HS6ST3: variants seen among roughly 807,000 people sequenced by gnomAD.
HS6ST3 encodes the protein heparan-sulfate 6-O-sulfotransferase 3.
Under a neutral mutation model 36.7 loss-of-function variants are expected in HS6ST3, and 12 were observed. The observed-to-expected ratio is 0.33, with a 90% CI of 0.21 to 0.53. The LOEUF is 0.53. HS6ST3 is among the 20% of genes least tolerant of loss of function. The pLI, the probability that HS6ST3 is intolerant of heterozygous loss-of-function variation, is 0.95. For missense variants in HS6ST3, 584 were observed against 640.9 expected (o/e 0.91, Z 0.96); for synonymous variants, 240 against 257.5 (o/e 0.93, Z 0.65).
chr13:96,492,505 C>T (rs904413715), intron 1 of HS6ST3, among the ~76,000 whole-genome samples: 2 of 152,214 alleles, frequency 1.3e-5, no homozygotes, highest in Non-Finnish European at 2.9e-5. Flanking sequence ...AGTACTTTGC[C>T]TTGCCAGGCA....
At chr13:96,571,156 A>G (rs2056299680) in intron 1 of HS6ST3, among the ~76,000 whole-genome samples, 2 of 152,320 alleles carry the variant, frequency 1.3e-5, no homozygotes, top group Admixed American at 6.5e-5. Context: ...CACTTATTCT[A>G]TTCACAGCAT....
At chr13:96,599,414 A>G (rs903527699) in intron 1 of HS6ST3, among the ~76,000 whole-genome samples, 5 of 152,008 alleles carry the variant, frequency 3.3e-5, no homozygotes, top group African/African-American at 1.2e-4. Context: ...TAGATTCCCT[A>G]GTGTGCACGT....
intron 1 of HS6ST3, among the ~76,000 whole-genome samples, chr13:96,638,755 A>T (rs560764852): frequency 1.3e-5 from 2 of 152,026 alleles, no homozygotes; most frequent in Admixed American, 6.6e-5. Context: ...CCTCTTTTTT[A>T]AAATAAATTA....
At chr13:96,461,271 T>C (rs1488152998) in intron 1 of HS6ST3, among the ~76,000 whole-genome samples, 2 of 152,198 alleles carry the variant, frequency 1.3e-5, no homozygotes, top group East Asian at 3.8e-4. Flanking sequence ...CTTCATATCC[T>C]TCAAAAACTG....
At chr13:96,134,751 G>A (rs1483639157) in intron 1 of HS6ST3, among the ~76,000 whole-genome samples, 1 of 152,108 alleles carries the variant, frequency 6.6e-6, no homozygotes, top group Non-Finnish European at 1.5e-5. Flanking sequence ...TTGCTCTTTT[G>A]GGTTTGCAGA....
At chr13:96,253,311 A>C (rs1478557136) in intron 1 of HS6ST3, among the ~76,000 whole-genome samples, 1 of 152,120 alleles carries the variant, frequency 6.6e-6, no homozygotes, top group Admixed American at 6.5e-5. Flanking sequence ...GAGGTGCAAC[A>C]TAAGTGGACC....
At chr13:96,662,305 A>G (rs2056648987) in intron 1 of HS6ST3, among the ~76,000 whole-genome samples, 1 of 151,804 alleles carries the variant, frequency 6.6e-6, no homozygotes, top group African/African-American at 2.4e-5. Context: ...ATGTAGTTCT[A>G]TTTTTTTATT....
chr13:96,613,165 G>A (rs2056462215), intron 1 of HS6ST3, among the ~76,000 whole-genome samples: 1 of 152,118 alleles, frequency 6.6e-6, no homozygotes, highest in Non-Finnish European at 1.5e-5. Context: ...AGGTGTATAG[G>A]TTGGTCTCTT....
intron 1 of HS6ST3, among the ~76,000 whole-genome samples, chr13:96,607,175 GA>G (rs1286859929): frequency 1.3e-5 from 2 of 151,998 alleles, no homozygotes; most frequent in Non-Finnish European, 2.9e-5. Flanking sequence ...GGACTTTAAA[GA>G]AAAAGAATAA....
intron 1 of HS6ST3, among the ~76,000 whole-genome samples, chr13:96,194,760 C>G (rs2054304282): frequency 1.3e-5 from 2 of 152,010 alleles, no homozygotes; most frequent in African/African-American, 4.8e-5. Flanking sequence ...CCACAAGCCC[C>G]CGCCATCCAT....
At chr13:96,603,985 G>A (rs1433422630) in intron 1 of HS6ST3, among the ~76,000 whole-genome samples, 1 of 152,164 alleles carries the variant, frequency 6.6e-6, no homozygotes, top group East Asian at 1.9e-4. Flanking sequence ...TAAGTGTATA[G>A]TGCTCCTTTA....
At chr13:96,102,102 C>T (rs2053821132) in intron 1 of HS6ST3, among the ~76,000 whole-genome samples, 1 of 151,856 alleles carries the variant, frequency 6.6e-6, no homozygotes, top group Admixed American at 6.5e-5. Flanking sequence ...TTTTTTTCCC[C>T]ACACAGCTTC....
At chr13:96,448,187 G>A (rs148679019) in intron 1 of HS6ST3, among the ~76,000 whole-genome samples, 5 of 152,046 alleles carry the variant, frequency 3.3e-5, no homozygotes, top group African/African-American at 1.2e-4. Flanking sequence ...TTTTTCTCTT[G>A]GCACAAAGTT....
chr13:96,674,566 A>G (rs148426961), intron 1 of HS6ST3, among the ~76,000 whole-genome samples: 87 of 152,020 alleles, frequency 5.7e-4, no homozygotes, highest in African/African-American at 2.1e-3. Flanking sequence ...CTCCTTCATG[A>G]GCCGACTCTC....
intron 1 of HS6ST3, among the ~76,000 whole-genome samples, chr13:96,308,347 TAGAC>T (rs1365541118): frequency 2.6e-5 from 4 of 152,132 alleles, no homozygotes; most frequent in African/African-American, 4.8e-5. Context: ...TAATTATAAT[TAGAC>T]AGAGAATATT....
intron 1 of HS6ST3, among the ~76,000 whole-genome samples, chr13:96,537,525 C>T (rs907780796): frequency 6.6e-6 from 1 of 152,130 alleles, no homozygotes; most frequent in African/African-American, 2.4e-5. Flanking sequence ...CTGCTTCTGC[C>T]CATTAAAATC....
intron 1 of HS6ST3, among the ~76,000 whole-genome samples, chr13:96,209,358 A>G (rs2054387372): frequency 6.6e-6 from 1 of 152,164 alleles, no homozygotes; most frequent in Non-Finnish European, 1.5e-5. Flanking sequence ...CATGGAGTGA[A>G]TGCTATACAA....
intron 1 of HS6ST3, among the ~76,000 whole-genome samples, chr13:96,781,763 C>G (rs1251012691): frequency 3.3e-5 from 5 of 152,094 alleles, no homozygotes; most frequent in African/African-American, 7.2e-5. Context: ...AAACGTGAAC[C>G]TTTTTTTCAT....
chr13:96,238,845 T>C lies in HS6ST3; in HGVS notation c.707+147276T>C, dbSNP rs757809946. Among the ~76,000 whole-genome samples the C allele has an allele frequency of 6.8e-4, 104 of 152,348 alleles. 2 individuals are homozygous for C. The highest frequency in any genetic ancestry group is 3.1e-4 in the Non-Finnish European group (21 of 68,040). On this transcript the variant is annotated intron_variant, in intron 1 of 1. Transcript: ENST00000376705. ...AATATTTGCCAAGTGTTTATTCTAC[T>C]TGGTGCCTACGTGAAGAGAAAGGGT...
Sources: allele counts gnomAD v4.1 joint callset (sites outside exome capture counted in the v4.1 genomes callset), GRCh38; gene constraint gnomAD v4.1.1; transcripts MANE v1.5; gene names NCBI Gene and HGNC (gene_info 2026-07-23, HGNC 2026-07-21).